The following VIT variants were observed in gnomAD, a reference collection of about 807,000 sequenced individuals.
VIT encodes vitrin.
VIT carries 99 observed loss-of-function variants against 78.0 expected under a neutral mutation model. The observed-to-expected ratio is 1.27, with a 90% confidence interval of 1.08 to 1.50. VIT has a LOEUF of 1.50. Among genes scored for constraint, VIT ranks in the 40% most tolerant of loss-of-function variants. The pLI is 0.00. For missense variants in VIT, 1,126 were observed against 875.3 expected (o/e 1.29, Z -3.61); for synonymous variants, 374 against 334.3 (o/e 1.12, Z -1.29).
chr2:36,795,901 A>G (rs4670169), intron 12 of VIT, among the ~76,000 whole-genome samples: 80,143 of 152,074 alleles, frequency 0.53, 24,617 homozygotes, highest in East Asian at 0.79. Context: ...AAGTGTGTTC[A>G]ATTAGCTTTG....
intron 4 of VIT, among the ~76,000 whole-genome samples, chr2:36,745,384 T>A (rs555511615): frequency 6.6e-6 from 1 of 152,304 alleles, no homozygotes; most frequent in Admixed American, 6.5e-5. Context: ...TAATGTTGAA[T>A]CTGTACATTG....
chr2:36,728,562 C>G (rs1666996602), intron 2 of VIT, among the ~76,000 whole-genome samples: 1 of 29,310 alleles, frequency 3.4e-5, no homozygotes, highest in Non-Finnish European at 1.2e-4. Flanking sequence ...GCCTGTAATC[C>G]CAGCACTTTG....
Position 36,805,564 on chromosome 2 carries a change from G to C in VIT, c.1289G>C (p.Arg430Thr), listed in dbSNP as rs1184205068. The C allele has an allele frequency of 5.6e-6, 9 of 1,614,046 alleles. No individual in the cohort carries two copies. In the East Asian group the frequency reaches 1.8e-4, roughly 32 times the overall value. ...ACGGACAAAGTGGAGGAGGCTTCAAGACTTGCGAGAGAGTCAGGAATCAAC... is the reference window on the plus strand; with the variant it reads ...ACGGACAAAGTGGAGGAGGCTTCAACACTTGCGAGAGAGTCAGGAATCAAC... ...WPTDKVEEAS[R>T]LARESGINIF... The change falls in exon 14 of 16, where the codon AGA (arginine) becomes ACA (threonine). Residue 430 changes from arginine to threonine, a missense_variant. By Grantham distance (71) the Arg-to-Thr change is moderately conservative (BLOSUM62 -1). Coordinates refer to ENST00000379242, the MANE Select transcript of VIT (RefSeq NM_053276.4).
chr2:36,806,997 C>T (rs955644830), intron 14 of VIT, among the ~76,000 whole-genome samples: 3 of 152,170 alleles, frequency 2.0e-5, no homozygotes, highest in Non-Finnish European at 2.9e-5. Flanking sequence ...ACTGTTTCCT[C>T]CTCTGGACTT....
chr2:36,763,485 T>C (rs1283286770), intron 6 of VIT, among the ~76,000 whole-genome samples: 1 of 152,108 alleles, frequency 6.6e-6, no homozygotes, highest in Non-Finnish European at 1.5e-5. Context: ...AAGAACTTGG[T>C]TCCATGAAGA....
At chr2:36,729,321 G>T in intron 2 of VIT, 105 bp from the exon 3 acceptor site, 2 of 957,244 alleles carry the variant, frequency 2.1e-6, no homozygotes, top group Non-Finnish European at 3.0e-6. Context: ...AATTAGTTCT[G>T]CCATGGAGAA....
chr2:36,734,045 C>T (rs562609206), intron 3 of VIT, among the ~76,000 whole-genome samples: 5 of 152,136 alleles, frequency 3.3e-5, no homozygotes, highest in Admixed American at 6.5e-5. Flanking sequence ...GCTCCTGGAC[C>T]GGCAGCATCA....
chr2:36,769,453 C>T (rs1353346652), intron 7 of VIT, among the ~76,000 whole-genome samples: 1 of 152,104 alleles, frequency 6.6e-6, no homozygotes, highest in African/African-American at 2.4e-5. Flanking sequence ...GTTCCTTCTT[C>T]ATCCTTGTCC....
intron 1 of VIT, among the ~76,000 whole-genome samples, chr2:36,712,770 C>T (rs141281477): frequency 2.6e-5 from 4 of 152,128 alleles, no homozygotes; most frequent in African/African-American, 4.8e-5. Context: ...GGGAGGTGGA[C>T]GTTGCAGTGA....
At chr2:36,795,162 T>C (rs566907642) in intron 12 of VIT, among the ~76,000 whole-genome samples, 4 of 152,298 alleles carry the variant, frequency 2.6e-5, no homozygotes, top group African/African-American at 9.6e-5. Flanking sequence ...CCTCATGATC[T>C]CTGGATTCTG....
chr2:36,734,868 G>C (rs910116561), intron 3 of VIT, among the ~76,000 whole-genome samples: 1 of 152,162 alleles, frequency 6.6e-6, no homozygotes, highest in Non-Finnish European at 1.5e-5. Context: ...TAATACTTAA[G>C]AGCATGTTGA....
chr2:36,773,838 G>C lies in VIT; in HGVS notation c.727G>C (p.Ala243Pro). The stretch of plus-strand genomic sequence containing the variant: ...CACAAGCAGCCAAAACAGGCCCAGA[G>C]CTGATCCAGGTAAGACCTTAAACTC... ...TYTSSQNRPR[A>P]DPGIQRQDPS... The change falls in exon 8 of 16, where the codon GCT (alanine) becomes CCT (proline). Residue 243 changes from alanine (A) to proline (P), a missense_variant. Ala to Pro is a conservative substitution (Grantham distance 27, BLOSUM62 -1). Coordinates refer to ENST00000379242, the MANE Select transcript of VIT (RefSeq NM_053276.4). 6.2e-7 allele frequency: 1 copy of C among 1,601,706 alleles called. No individual in the cohort carries two copies. Among genetic ancestry groups the C allele is most frequent in the Non-Finnish European group, 8.5e-7 (1 of 1,172,658 alleles).
At chr2:36,770,172 T>G (rs2148592235) in intron 7 of VIT, among the ~76,000 whole-genome samples, 1 of 152,336 alleles carries the variant, frequency 6.6e-6, no homozygotes, top group Admixed American at 6.5e-5. Context: ...GAATGCCCAC[T>G]ATGTGTCAGG....
intron 4 of VIT, among the ~76,000 whole-genome samples, chr2:36,750,969 C>T (rs545638633): frequency 3.3e-5 from 5 of 152,088 alleles, no homozygotes; most frequent in Admixed American, 3.3e-4. Context: ...TAATTAAATT[C>T]CTAGTTAGGG....
At chr2:36,746,983 G>T (rs775643280) in intron 4 of VIT, among the ~76,000 whole-genome samples, 1 of 152,108 alleles carries the variant, frequency 6.6e-6, no homozygotes, top group Non-Finnish European at 1.5e-5. Flanking sequence ...GCAACCCAGA[G>T]ATTTTGGTAT....
intron 15 of VIT, among the ~76,000 whole-genome samples, chr2:36,812,441 C>T (rs529309805): frequency 5.3e-5 from 8 of 152,252 alleles, no homozygotes; most frequent in East Asian, 3.9e-4. Flanking sequence ...TAAGGTCAAG[C>T]ACCTGCTGAC....
intron 4 of VIT, among the ~76,000 whole-genome samples, chr2:36,753,745 T>C (rs923286106): frequency 6.6e-6 from 1 of 152,100 alleles, no homozygotes; most frequent in Non-Finnish European, 1.5e-5. Context: ...CTGCCTGCCA[T>C]CGGGAGATGT....
chr2:36,802,779 C>T (rs1174735763), intron 13 of VIT, among the ~76,000 whole-genome samples: 3 of 152,200 alleles, frequency 2.0e-5, no homozygotes, highest in Non-Finnish European at 4.4e-5. Context: ...CTGACTTTGC[C>T]TCTGTATTGT....
At chr2:36,740,457 T>G (rs1667769990) in intron 3 of VIT, among the ~76,000 whole-genome samples, 1 of 152,232 alleles carries the variant, frequency 6.6e-6, no homozygotes, top group Admixed American at 6.5e-5. Flanking sequence ...TTAATAATTT[T>G]GGCAATCACT....
Sources: allele counts gnomAD v4.1 joint callset (sites outside exome capture counted in the v4.1 genomes callset), GRCh38; gene constraint gnomAD v4.1.1; transcripts MANE v1.5; gene names NCBI Gene and HGNC (gene_info 2026-07-23, HGNC 2026-07-21).